GLI3: variants seen among roughly 807,000 people sequenced by gnomAD.
GLI3 encodes GLI family zinc finger 3.
A neutral mutation model predicts 100.8 loss-of-function variants in GLI3; 20 were observed. That is an observed-to-expected ratio of 0.20 (90% CI 0.14 to 0.29). The LOEUF is 0.29. Among genes scored for constraint, GLI3 ranks in the 10% least tolerant of loss-of-function variants. The pLI, the probability that GLI3 is intolerant of heterozygous loss-of-function variation, is 1.00. For missense variants in GLI3, 2,040 were observed against 2,128.5 expected (o/e 0.96, Z 0.82); for synonymous variants, 938 against 860.5 (o/e 1.09, Z -1.58).
chr7:41,992,182 T>C (rs970652586), intron 10 of GLI3, among the ~76,000 whole-genome samples: 4 of 152,170 alleles, frequency 2.6e-5, no homozygotes, highest in African/African-American at 4.8e-5. Flanking sequence ...CCAAGAAAGC[T>C]GTGACCTTGA....
chr7:42,041,059 G>T (rs948908798), intron 6 of GLI3, among the ~76,000 whole-genome samples: 1 of 152,188 alleles, frequency 6.6e-6, no homozygotes, highest in African/African-American at 2.4e-5. Flanking sequence ...CATTTAAAAG[G>T]TGGGGATGTT....
chr7:42,228,831 A>T (rs1028913562), intron 1 of GLI3, among the ~76,000 whole-genome samples: 9 of 152,180 alleles, frequency 5.9e-5, no homozygotes, highest in Non-Finnish European at 1.0e-4. Flanking sequence ...GCTAAGACAG[A>T]CACATCGCCT....
intron 2 of GLI3, among the ~76,000 whole-genome samples, chr7:42,169,663 T>G (rs574035258): frequency 1.8e-4 from 28 of 152,222 alleles, no homozygotes; most frequent in Non-Finnish European, 3.5e-4. Context: ...CCTAAAAGGA[T>G]GTTCACTGAA....
chr7:42,192,051 C>A (rs867912771), intron 2 of GLI3, among the ~76,000 whole-genome samples: 2 of 150,820 alleles, frequency 1.3e-5, no homozygotes, highest in Non-Finnish European at 3.0e-5. Flanking sequence ...AAAAAAAAAT[C>A]CTATTTGAAC....
chr7:42,060,991 T>C (rs1410851394), intron 4 of GLI3, among the ~76,000 whole-genome samples: 3 of 152,200 alleles, frequency 2.0e-5, no homozygotes, highest in African/African-American at 7.2e-5. Context: ...CCAGCTCATG[T>C]TTGTATCATT....
At chr7:42,162,978 T>TC (rs1292271006) in intron 2 of GLI3, among the ~76,000 whole-genome samples, 1 of 144,464 alleles carries the variant, frequency 6.9e-6, no homozygotes, top group African/African-American at 2.6e-5. Flanking sequence ...TTTTTTTTTT[T>TC]TTTTTTTTTT....
At chr7:42,023,705 AT>A (rs1789015797) in intron 9 of GLI3, 97 bp from the exon 10 acceptor site, 3 of 1,142,060 alleles carry the variant, frequency 2.6e-6, no homozygotes, top group Non-Finnish European at 4.0e-6. Flanking sequence ...CCCAATTTAG[AT>A]TTGGGTCTAG....
intron 10 of GLI3, among the ~76,000 whole-genome samples, chr7:41,997,332 A>T (rs1788154826): frequency 6.6e-6 from 1 of 152,060 alleles, no homozygotes; most frequent in Non-Finnish European, 1.5e-5. Context: ...CTTAAAAGTC[A>T]CTATGTGGTG....
rs759079969 is a variant in GLI3 at position 41,966,407 on chromosome 7, A to T, written c.2666T>A (p.Val889Glu). ...ASQAEGRPQN[V>E]SVADSYDPIS... is the part of the protein sequence containing the mutation. ...GGGGTCGTAGGAGTCGGCCACGCTC[A>T]CGTTCTGCGGCCGGCCCTCGGCCTG... The change falls in exon 15 of 15, where the codon GTG (valine) becomes GAG (glutamate). Residue 889 changes from valine (V) to glutamate (E), a missense_variant. This residue lies in a region of GLI3 where 327 missense variants were observed against 338.7 expected (regional missense o/e 0.97). Coordinates refer to ENST00000395925, the MANE Select transcript of GLI3 (RefSeq NM_000168.6). This position sits in a 1 kb window ranked among gnomAD's most constrained non-coding sequence, Gnocchi z 5.8. 6.8e-6 allele frequency: 11 copies of T among 1,611,426 alleles called. No homozygotes were observed. Among genetic ancestry groups the T allele is most frequent in the Non-Finnish European group, 8.5e-6 (10 of 1,179,444 alleles).
chr7:42,233,251 GC>G (rs1788728852), intron 1 of GLI3, among the ~76,000 whole-genome samples: 1 of 152,180 alleles, frequency 6.6e-6, no homozygotes, highest in Admixed American at 6.5e-5. Flanking sequence ...ATTGCCTTTA[GC>G]AGCTCCTAAA....
intron 1 of GLI3, among the ~76,000 whole-genome samples, chr7:42,244,704 A>C (rs1788955383): frequency 6.8e-6 from 1 of 147,784 alleles, no homozygotes; most frequent in Non-Finnish European, 1.5e-5. Context: ...AACACCTTTA[A>C]AAAAAAAAAA....
intron 10 of GLI3, among the ~76,000 whole-genome samples, chr7:41,996,135 T>C (rs1788117659): frequency 6.6e-6 from 1 of 152,242 alleles, no homozygotes; most frequent in Admixed American, 6.5e-5. Context: ...AGAAAATTTA[T>C]TTTTGGTGGC....
At chr7:42,180,652 G>C (rs1562774721) in intron 2 of GLI3, among the ~76,000 whole-genome samples, 1 of 152,214 alleles carries the variant, frequency 6.6e-6, no homozygotes, top group African/African-American at 2.4e-5. Context: ...TCATCTGTGG[G>C]AGGCAGTGGG....
At chr7:42,079,407 A>G (rs1784952388) in intron 3 of GLI3, among the ~76,000 whole-genome samples, 1 of 152,234 alleles carries the variant, frequency 6.6e-6, no homozygotes, top group Admixed American at 6.5e-5. Context: ...TTAAACTTTA[A>G]AACAAACCCA....
intron 3 of GLI3, among the ~76,000 whole-genome samples, chr7:42,129,577 G>A (rs567514666): frequency 6.6e-6 from 1 of 152,236 alleles, no homozygotes; most frequent in African/African-American, 2.4e-5. Flanking sequence ...TTGGGAGGCC[G>A]AGGCGGGGGG....
At chr7:42,213,637 G>A (rs778910586) in intron 2 of GLI3, among the ~76,000 whole-genome samples, 3 of 152,184 alleles carry the variant, frequency 2.0e-5, no homozygotes, top group Non-Finnish European at 4.4e-5. Flanking sequence ...CACAGACAGA[G>A]AAAAGTGAAA....
intron 4 of GLI3, among the ~76,000 whole-genome samples, chr7:42,070,051 C>T (rs74392341): frequency 0.018 from 2,703 of 152,236 alleles, 68 homozygotes; most frequent in African/African-American, 0.062. Context: ...TTGGGTTTAC[C>T]GCTATAATCA....
intron 4 of GLI3, among the ~76,000 whole-genome samples, chr7:42,070,376 C>T (rs1234083179): frequency 6.6e-6 from 1 of 152,160 alleles, no homozygotes; most frequent in Non-Finnish European, 1.5e-5. Context: ...AACTTCCTAT[C>T]AGGTACTGTT....
Position 41,965,649 on chromosome 7 carries a change from G to T in GLI3, c.3424C>A (p.Gln1142Lys). The T allele has an allele frequency of 6.2e-7, 1 of 1,612,406 alleles. No homozygotes were observed. The highest frequency in any genetic ancestry group is 8.5e-7 in the Non-Finnish European group (1 of 1,178,870). Residue 1142 changes from glutamine (Q) to lysine (K), a missense_variant, in exon 15 of 15, where the codon CAG (glutamine) becomes AAG (lysine). Physicochemically the swap from Gln to Lys is moderately conservative, Grantham distance 53. Transcript: ENST00000395925. ...CAGGGCTGCTCGAGGGCATGGAACT[G>T]CTGGCCAGCGTGGCTGTCTGGCAGC... ...PGLPDSHAGQ[Q>K]FHALEQPCPE...
Sources: gnomAD v4.1 joint callset for allele counts (sites outside exome capture counted in the v4.1 genomes callset) on GRCh38, gnomAD v4.1.1 for gene constraint, gnomAD v4.1.1 regional missense constraint, Gnocchi (gnomAD v3.1) non-coding constraint, MANE v1.5 for transcripts, NCBI Gene and HGNC (gene_info 2026-07-23, HGNC 2026-07-21) for gene names.